The following FILIP1 variants were observed in gnomAD, a reference collection of about 807,000 sequenced individuals.
FILIP1 encodes filamin-A-interacting protein 1.
FILIP1 carries 61 observed loss-of-function variants against 102.1 expected under a neutral mutation model. That is an observed-to-expected ratio of 0.60 (90% CI 0.49 to 0.74). The LOEUF is 0.74. FILIP1 is among the 30% of genes least tolerant of loss of function. FILIP1 has a pLI of 0.00. For synonymous variants in FILIP1, 491 were observed against 526.9 expected (o/e 0.93, Z 0.93); for missense variants, 1,314 against 1,441.2 (o/e 0.91, Z 1.43).
In FILIP1 at chr6:75,359,741, G is replaced by A. The variant is rs1176309771; in HGVS notation, c.450+3003C>T. Reference sequence around the variant, plus strand: ...GCCTTGAGTCAGACAAGTTACTCAAGGATTGAAAGTTCAAACATGAGGGGA... The same window carrying A: ...GCCTTGAGTCAGACAAGTTACTCAAAGATTGAAAGTTCAAACATGAGGGGA... On this transcript the variant is annotated intron_variant, in intron 3 of 5. Coordinates refer to ENST00000237172, the MANE Select transcript of FILIP1 (RefSeq NM_015687.5). Among the ~76,000 whole-genome samples, 3 of 152,252 alleles carry A rather than the reference G, an allele frequency of 2.0e-5. No individual in the cohort carries two copies. In the East Asian group the frequency reaches 5.8e-4, roughly 29 times the overall value.
At chr6:75,481,873 T>C (rs1779657764) in intron 1 of FILIP1, among the ~76,000 whole-genome samples, 1 of 152,326 alleles carries the variant, frequency 6.6e-6, no homozygotes, top group Non-Finnish European at 1.5e-5. Flanking sequence ...ATTCAACTCC[T>C]ATGAAAAAGT....
intron 5 of FILIP1, among the ~76,000 whole-genome samples, chr6:75,311,060 G>C (rs1773165922): frequency 6.6e-6 from 1 of 152,160 alleles, no homozygotes; most frequent in African/African-American, 2.4e-5. Context: ...ACGATTTCTA[G>C]TCTATTAGCT....
chr6:75,392,063 T>C (rs1776295727), intron 2 of FILIP1, among the ~76,000 whole-genome samples: 1 of 152,172 alleles, frequency 6.6e-6, no homozygotes. Context: ...CCCTGAAAAA[T>C]GTTCCACTTT....
At chr6:75,395,037 T>A (rs779889128) in intron 2 of FILIP1, among the ~76,000 whole-genome samples, 4 of 152,084 alleles carry the variant, frequency 2.6e-5, no homozygotes, top group Non-Finnish European at 5.9e-5. Flanking sequence ...TACCCAAATA[T>A]ACACTCTGAC....
chr6:75,434,969 T>C (rs1777963908), intron 1 of FILIP1, among the ~76,000 whole-genome samples: 2 of 152,234 alleles, frequency 1.3e-5, no homozygotes, highest in Admixed American at 1.3e-4. Context: ...TTTCATTCTG[T>C]TTATATGATG....
intron 1 of FILIP1, among the ~76,000 whole-genome samples, chr6:75,441,972 G>A (rs1375476936): frequency 6.6e-6 from 1 of 151,762 alleles, no homozygotes; most frequent in East Asian, 2.0e-4. Flanking sequence ...TGGCTGCGGG[G>A]CGGAGACGCT....
Position 75,308,277 on chromosome 6 carries a change from G to C in FILIP1, c.*414C>G. On this transcript the variant is annotated 3_prime_UTR_variant, in exon 6 of 6. Coordinates refer to ENST00000237172, the MANE Select transcript of FILIP1 (RefSeq NM_015687.5). ...CAATAGTTAAAGTATGTCTTATTTTGTAATAGGATTTTTTTAATAAAAAAT... is the reference window on the plus strand; with the variant it reads ...CAATAGTTAAAGTATGTCTTATTTTCTAATAGGATTTTTTTAATAAAAAAT... 1.0e-6 allele frequency: 1 copy of C among 993,670 alleles called. No individual in the cohort carries two copies. Among genetic ancestry groups the C allele is most frequent in the East Asian group, 1.1e-4 (1 of 9,336 alleles). 61.6% of individuals were successfully genotyped at this position (993,670 alleles called of 1,614,324 possible).
intron 2 of FILIP1, among the ~76,000 whole-genome samples, chr6:75,406,880 G>A (rs2703684): frequency 0.057 from 8,619 of 151,972 alleles, 686 homozygotes; most frequent in African/African-American, 0.17. Context: ...GGCTGGTCCC[G>A]AACTCCTGAC....
At chr6:75,341,789 C>G (rs59194866) in intron 4 of FILIP1, among the ~76,000 whole-genome samples, 2 of 152,266 alleles carry the variant, frequency 1.3e-5, no homozygotes, top group Middle Eastern at 3.4e-3. Flanking sequence ...AATACAATAA[C>G]AGCTACCCTC....
chr6:75,439,120 G>T (rs1300445749), intron 1 of FILIP1, among the ~76,000 whole-genome samples: 3 of 152,192 alleles, frequency 2.0e-5, no homozygotes, highest in African/African-American at 7.2e-5. Flanking sequence ...TCCCTGGTTT[G>T]TTGAGAGAAG....
intron 1 of FILIP1, among the ~76,000 whole-genome samples, chr6:75,415,533 G>GA (rs34828375): frequency 0.043 from 3,342 of 78,502 alleles, 83 homozygotes; most frequent in East Asian, 0.071. Flanking sequence ...TCACAGTGTG[G>GA]AAAAAAAAAA....
intron 1 of FILIP1, among the ~76,000 whole-genome samples, chr6:75,427,909 CCTCA>C (rs1205113574): frequency 2.0e-5 from 3 of 152,112 alleles, no homozygotes; most frequent in Admixed American, 1.3e-4. Flanking sequence ...ACTGTATATT[CCTCA>C]CTGTCTTTGT....
At chr6:75,318,417 T>A (rs540793028) in intron 4 of FILIP1, among the ~76,000 whole-genome samples, 2 of 151,964 alleles carry the variant, frequency 1.3e-5, no homozygotes, top group South Asian at 4.2e-4. Flanking sequence ...TTATTTTTTG[T>A]AGAGACAGAG....
At chr6:75,457,184 C>T (rs1488700933) in intron 1 of FILIP1, among the ~76,000 whole-genome samples, 1 of 152,142 alleles carries the variant, frequency 6.6e-6, no homozygotes, top group Non-Finnish European at 1.5e-5. Flanking sequence ...ACAGCAAGTA[C>T]CAGTGGAAAT....
chr6:75,438,143 T>C (rs1162401229), intron 1 of FILIP1, among the ~76,000 whole-genome samples: 1 of 152,204 alleles, frequency 6.6e-6, no homozygotes, highest in Non-Finnish European at 1.5e-5. Context: ...CGCACAGTTG[T>C]ATGCCTGCTA....
chr6:75,469,427 G>T (rs1779268205), intron 1 of FILIP1, among the ~76,000 whole-genome samples: 1 of 151,838 alleles, frequency 6.6e-6, no homozygotes, highest in East Asian at 1.9e-4. Context: ...AACAAAGACA[G>T]AAAAAGCTTG....
At chr6:75,307,953 A>T, downstream of FILIP1, 1 of 790,932 alleles carries the variant, frequency 1.3e-6, no homozygotes. Context: ...AATCAATTGC[A>T]CACTTGAATA....
At chr6:75,330,515 G>T (rs1774042264) in intron 4 of FILIP1, among the ~76,000 whole-genome samples, 1 of 151,970 alleles carries the variant, frequency 6.6e-6, no homozygotes, top group African/African-American at 2.4e-5. Context: ...CTCTAAAAAA[G>T]AACTTGGTGA....
intron 2 of FILIP1, among the ~76,000 whole-genome samples, chr6:75,413,806 T>A (rs143035102): frequency 1.3e-5 from 2 of 150,782 alleles, no homozygotes; most frequent in Admixed American, 6.6e-5. Flanking sequence ...AAAAGTATTG[T>A]TCCTCTACTT....
Sources: allele counts gnomAD v4.1 joint callset (sites outside exome capture counted in the v4.1 genomes callset), GRCh38; gene constraint gnomAD v4.1.1; transcripts MANE v1.5; gene names NCBI Gene and HGNC (gene_info 2026-07-23, HGNC 2026-07-21).